SMAD2: variants seen among roughly 807,000 people sequenced by gnomAD.
The protein encoded by SMAD2 is SMAD family member 2.
Under a neutral mutation model 64.4 loss-of-function variants are expected in SMAD2, and 8 were observed. That is an observed-to-expected ratio of 0.12 (90% confidence interval 0.07 to 0.22). SMAD2 has a LOEUF of 0.22. Ranked by LOEUF, SMAD2 falls within the 10% of genes least tolerant of loss-of-function variation. The pLI is 1.00. For missense variants in SMAD2, 289 were observed against 561.2 expected, an observed-to-expected ratio of 0.51 and a Z score of 4.90; for synonymous variants, 203 against 195.8, an observed-to-expected ratio of 1.04 and a Z score of -0.31.
rs1358541981 is a variant in SMAD2, at chr18:47,818,934, C to T, written c.*22893G>A. 4 of 152,182 alleles carry T rather than the reference C, an allele frequency of 2.6e-5. No homozygotes were observed. The highest frequency in any genetic ancestry group is 5.9e-5 in the Non-Finnish European group (4 of 68,054). 9.4% of individuals were successfully genotyped at this position (152,182 alleles called of 1,614,324 possible). On this transcript the variant is annotated 3_prime_UTR_variant, in exon 11 of 11. Transcript: ENST00000262160. ...TAAACCAGCAAGCCTGTATTACTAT[C>T]GTATGACTAAAATTCTAAAATGAAA...
chr18:47,922,143 A>C (rs1270933579), intron 1 of SMAD2, among the ~76,000 whole-genome samples: 1 of 152,242 alleles, frequency 6.6e-6, no homozygotes, highest in Non-Finnish European at 1.5e-5. Context: ...TATGGAGGGA[A>C]GAGAAATTTC....
intron 2 of SMAD2, among the ~76,000 whole-genome samples, chr18:47,877,842 G>A (rs2032356540): frequency 6.6e-6 from 1 of 151,962 alleles, no homozygotes; most frequent in African/African-American, 2.4e-5. Flanking sequence ...AAATATAAAA[G>A]AAATATATTA....
In SMAD2 at chr18:47,837,586, AC is replaced by A. The variant is rs1181004584; in HGVS notation, c.*4240del. The A allele has an allele frequency of 1.3e-5, 3 of 230,872 alleles. No individual in the cohort carries two copies. The highest frequency in any genetic ancestry group is 6.2e-5 in the East Asian group (1 of 16,178). 14.3% of individuals were successfully genotyped at this position (230,872 alleles called of 1,614,324 possible). ...CAAAAAAAAAAAAAAAAAACAAAAA[AC>A]AAGGCTAACAAGAAAGAGGATAACC... is the stretch of plus-strand genomic sequence containing the variant. On this transcript the variant is annotated 3_prime_UTR_variant, in exon 11 of 11. Coordinates refer to ENST00000262160, the MANE Select transcript of SMAD2 (RefSeq NM_005901.6).
At chr18:47,892,198 A>C (rs952972476) in intron 2 of SMAD2, among the ~76,000 whole-genome samples, 1 of 142,340 alleles carries the variant, frequency 7.0e-6, no homozygotes. Flanking sequence ...TTACCTAGAC[A>C]TTTTTTTTTT....
At chr18:47,857,443 T>C (rs2030807300) in intron 6 of SMAD2, among the ~76,000 whole-genome samples, 3 of 152,244 alleles carry the variant, frequency 2.0e-5, no homozygotes, top group Admixed American at 2.0e-4. Context: ...AAGGCTGCTT[T>C]TGTTTTTATT....
intron 5 of SMAD2, among the ~76,000 whole-genome samples, 185 bp from the exon 6 acceptor site, chr18:47,865,318 T>C (rs2031477225): frequency 1.3e-5 from 2 of 152,174 alleles, no homozygotes; most frequent in Admixed American, 1.3e-4. Context: ...TTGCAGTGAA[T>C]CCTTAACATC....
At position 47,841,253 on chromosome 18, in the gene SMAD2, C is replaced by T. The variant is rs1598740340; in HGVS notation, c.*574G>A. The T allele has an allele frequency of 1.3e-5, 3 of 233,154 alleles. No individual in the cohort carries two copies. Among genetic ancestry groups the T allele is most frequent in the Non-Finnish European group, 2.5e-5 (3 of 118,320 alleles). The allele number at this position is 233,154 out of a possible 1,614,324, so 14.4% of individuals were successfully genotyped here. A position where few individuals can be genotyped will look rare whatever the true frequency, so the allele number is the denominator to read the frequency against. ...CAAAAGTTAATCCACTTTTCTTCCCCCAAGAGTTTATTTTTGGTAAAAGGC... is the reference window on the plus strand; with the variant it reads ...CAAAAGTTAATCCACTTTTCTTCCCTCAAGAGTTTATTTTTGGTAAAAGGC... On this transcript the variant is annotated 3_prime_UTR_variant, in exon 11 of 11. Transcript: ENST00000262160.
At chr18:47,892,195 G>A (rs113765759) in intron 2 of SMAD2, among the ~76,000 whole-genome samples, 2,524 of 128,704 alleles carry the variant, frequency 0.02, 66 homozygotes, top group African/African-American at 0.065. Context: ...ACATTACCTA[G>A]ACATTTTTTT....
chr18:47,882,650 G>A (rs1012228647), intron 2 of SMAD2, among the ~76,000 whole-genome samples: 4 of 152,132 alleles, frequency 2.6e-5, no homozygotes, highest in African/African-American at 9.7e-5. Flanking sequence ...GGTTATGTGA[G>A]CCTCATAAAA....
At chr18:47,875,940 G>T (rs1425454810) in intron 2 of SMAD2, among the ~76,000 whole-genome samples, 1 of 151,990 alleles carries the variant, frequency 6.6e-6, no homozygotes, top group East Asian at 1.9e-4. Context: ...TTTGGTTAGC[G>T]TTAAGTTTGC....
rs1912962758 is a variant in SMAD2, at chr18:47,830,889, A to G, written c.*10938T>C. 6.5e-6 allele frequency: 1 copy of G among 154,738 alleles called. No individual in the cohort carries two copies. The highest frequency in any genetic ancestry group is 2.1e-4 in the South Asian group (1 of 4,854). 9.6% of individuals were successfully genotyped at this position (154,738 alleles called of 1,614,324 possible). ...TCCACATATATACAAAACTCTGCTA[A>G]AATTCCAATGGCTTCTCTAGATGAA... is the stretch of plus-strand genomic sequence containing the variant. On this transcript the variant is annotated 3_prime_UTR_variant, in exon 11 of 11. Transcript: ENST00000262160.
rs117614763 is a variant in SMAD2, at chr18:47,846,635, T to C, written c.998-835A>G. The stretch of plus-strand genomic sequence containing the variant: ...CTCCATTGCTGACTTTGAAGATGGA[T>C]GGCACCATGTGACAAGGAATTCAGG... On this transcript the variant is annotated intron_variant, in intron 8 of 10. Transcript: ENST00000262160. 5.1e-3 allele frequency among the ~76,000 whole-genome samples: 784 copies of C among 152,302 alleles called. 16 individuals are homozygous for C. The highest frequency in any genetic ancestry group is 0.041 in the East Asian group (212 of 5,178).
At position 47,831,098 on chromosome 18, in the gene SMAD2, A is replaced by G. The variant is rs1182308181; in HGVS notation, c.*10729T>C. On this transcript the variant is annotated 3_prime_UTR_variant, in exon 11 of 11. Coordinates refer to ENST00000262160, the MANE Select transcript of SMAD2 (RefSeq NM_005901.6). Reference sequence around the variant, plus strand: ...CTGCTCAGAAGCACAATCTCACTGCAAACTATGGAACCCAAACTATACAGC... The same window carrying G: ...CTGCTCAGAAGCACAATCTCACTGCGAACTATGGAACCCAAACTATACAGC... The G allele has an allele frequency of 1.3e-5, 2 of 152,272 alleles. No individual in the cohort carries two copies. Among genetic ancestry groups the G allele is most frequent in the Non-Finnish European group, 2.9e-5 (2 of 68,084 alleles). 9.4% of individuals were successfully genotyped at this position (152,272 alleles called of 1,614,324 possible). A position where few individuals can be genotyped will look rare whatever the true frequency, so the allele number is the denominator to read the frequency against.
intron 6 of SMAD2, among the ~76,000 whole-genome samples, chr18:47,863,212 C>T (rs970818104): frequency 1.3e-5 from 2 of 152,210 alleles, no homozygotes; most frequent in Admixed American, 1.3e-4. Context: ...AGAATTGTTT[C>T]TTGCCATGGC....
chr18:47,881,733 CA>C (rs2032601457), intron 2 of SMAD2, among the ~76,000 whole-genome samples: 1 of 152,164 alleles, frequency 6.6e-6, no homozygotes, highest in Non-Finnish European at 1.5e-5. Flanking sequence ...TACCTTTTAT[CA>C]GACTGAGAAA....
intron 1 of SMAD2, among the ~76,000 whole-genome samples, chr18:47,911,552 T>C (rs1252020868): frequency 6.6e-6 from 1 of 152,174 alleles, no homozygotes; most frequent in African/African-American, 2.4e-5. Context: ...TAGGGATGTA[T>C]GGAATGCCAC....
chr18:47,908,362 T>C (rs1302891318), intron 1 of SMAD2, among the ~76,000 whole-genome samples: 1 of 152,232 alleles, frequency 6.6e-6, no homozygotes, highest in Non-Finnish European at 1.5e-5. Flanking sequence ...GGGTTTAAAC[T>C]GTATAGGTCC....
At position 47,848,992 on chromosome 18, in the gene SMAD2, C is replaced by T. The variant is rs950739201; in HGVS notation, c.785-305G>A. Among the ~76,000 whole-genome samples, 4 of 152,188 alleles carry T rather than the reference C, an allele frequency of 2.6e-5. No homozygotes were observed. In the East Asian group the frequency reaches 7.7e-4, roughly 29 times the overall value. On this transcript the variant is annotated intron_variant, in intron 7 of 10. Transcript: ENST00000262160. Reference sequence around the variant, plus strand: ...TTTTAGTCTAGCTCCTGTTCAAATACAAAACAATCATAGGCAAAGTCAGTC... The same window carrying T: ...TTTTAGTCTAGCTCCTGTTCAAATATAAAACAATCATAGGCAAAGTCAGTC...
intron 6 of SMAD2, among the ~76,000 whole-genome samples, chr18:47,864,055 T>C (rs1330390760): frequency 6.6e-6 from 1 of 152,132 alleles, no homozygotes; most frequent in Non-Finnish European, 1.5e-5. Flanking sequence ...GTAACAGCTG[T>C]CCATCACAGG....
Sources: gnomAD v4.1 joint callset for allele counts (sites outside exome capture counted in the v4.1 genomes callset) on GRCh38, gnomAD v4.1.1 for gene constraint, MANE v1.5 for transcripts, NCBI Gene and HGNC (gene_info 2026-07-23, HGNC 2026-07-21) for gene names.